Variants in CADM2 observed in about 807,000 individuals in gnomAD.
The protein encoded by CADM2 is cell adhesion molecule 2.
Under a neutral mutation model 49.8 loss-of-function variants are expected in CADM2, and 12 were observed. The ratio of observed to expected loss-of-function variants is 0.24; its 90% confidence interval spans 0.15 to 0.39. The LOEUF is 0.39. Among genes scored for constraint, CADM2 ranks in the 10% least tolerant of loss-of-function variants. The pLI is 1.00. For missense variants in CADM2, 378 were observed against 492.3 expected, an observed-to-expected ratio of 0.77 and a Z score of 2.20; for synonymous variants, 214 against 175.4, an observed-to-expected ratio of 1.22 and a Z score of -1.74.
intron 1 of CADM2, among the ~76,000 whole-genome samples, chr3:85,223,974 G>C (rs2042096221): frequency 6.6e-6 from 1 of 152,078 alleles, no homozygotes; most frequent in South Asian, 2.1e-4. Context: ...TTGTGTATAT[G>C]TGCCACATTT....
intron 1 of CADM2, among the ~76,000 whole-genome samples, chr3:85,071,606 T>A (rs1257850861): frequency 6.6e-6 from 1 of 152,078 alleles, no homozygotes; most frequent in Non-Finnish European, 1.5e-5. Context: ...TGGTCTTGAG[T>A]TTGTTTCATT....
At chr3:85,719,159 A>G (rs2067409920) in intron 1 of CADM2, among the ~76,000 whole-genome samples, 1 of 152,130 alleles carries the variant, frequency 6.6e-6, no homozygotes. Context: ...ACAGCATTTC[A>G]TAGCCAAAAT....
At chr3:85,903,520 A>G (rs1015135925) in intron 5 of CADM2, among the ~76,000 whole-genome samples, 2 of 152,158 alleles carry the variant, frequency 1.3e-5, no homozygotes, top group Middle Eastern at 6.3e-3. Flanking sequence ...TATGCTACCC[A>G]ACTACCTTCT....
intron 2 of CADM2, among the ~76,000 whole-genome samples, chr3:85,781,424 T>G (rs977890054): frequency 6.6e-6 from 1 of 152,192 alleles, no homozygotes. Context: ...TATTTCTGAT[T>G]GTCTACATGG....
intron 1 of CADM2, among the ~76,000 whole-genome samples, chr3:85,113,698 T>TG (rs1553684524): frequency 3.1e-4 from 47 of 151,490 alleles, no homozygotes; most frequent in African/African-American, 1.1e-3. Context: ...TTTTTTTTTT[T>TG]TGTGCTATAG....
At chr3:86,029,682 C>T (rs574028632) in intron 8 of CADM2, among the ~76,000 whole-genome samples, 1 of 152,118 alleles carries the variant, frequency 6.6e-6, no homozygotes, top group East Asian at 1.9e-4. Flanking sequence ...TAATAACAGA[C>T]TTTAAATTTC....
chr3:86,030,765 A>G (rs1004037420), intron 8 of CADM2, among the ~76,000 whole-genome samples: 2 of 151,934 alleles, frequency 1.3e-5, no homozygotes, highest in Non-Finnish European at 2.9e-5. Context: ...GCAAGTGTTC[A>G]TAAATGAATT....
chr3:85,874,350 CA>C (rs1711533860), intron 3 of CADM2, among the ~76,000 whole-genome samples: 1 of 152,102 alleles, frequency 6.6e-6, no homozygotes, highest in Non-Finnish European at 1.5e-5. Flanking sequence ...AATTACAAGG[CA>C]GATTATAAAT....
At chr3:85,513,940 G>A (rs1435824447) in intron 1 of CADM2, among the ~76,000 whole-genome samples, 1 of 151,960 alleles carries the variant, frequency 6.6e-6, no homozygotes, top group Admixed American at 6.6e-5. Context: ...ATTGTTATTT[G>A]AATATAGCTA....
At chr3:85,945,971 A>G (rs962011286) in intron 7 of CADM2, among the ~76,000 whole-genome samples, 2 of 152,234 alleles carry the variant, frequency 1.3e-5, no homozygotes, top group East Asian at 1.9e-4. Flanking sequence ...TTCAGTTAGG[A>G]AAAGAGGAAG....
At chr3:85,141,684 T>C (rs1383893333) in intron 1 of CADM2, among the ~76,000 whole-genome samples, 1 of 152,170 alleles carries the variant, frequency 6.6e-6, no homozygotes, top group African/African-American at 2.4e-5. Context: ...ATAGATAGGA[T>C]ATATGTTAAT....
chr3:85,749,926 T>C (rs1005857327), intron 2 of CADM2, among the ~76,000 whole-genome samples: 3 of 152,058 alleles, frequency 2.0e-5, no homozygotes, highest in African/African-American at 7.2e-5. Flanking sequence ...TGTATGGTAT[T>C]AGATTCCTTT....
intron 1 of CADM2, among the ~76,000 whole-genome samples, chr3:85,061,970 T>C (rs2036336816): frequency 1.3e-5 from 2 of 151,584 alleles, no homozygotes; most frequent in South Asian, 4.2e-4. Context: ...GAAATATCAG[T>C]ATCAGTGGAG....
chr3:85,657,699 T>TATATATACACAGATATATATATATACAG (rs1559574496), intron 1 of CADM2, among the ~76,000 whole-genome samples: 9 of 61,106 alleles, frequency 1.5e-4, no homozygotes, highest in African/African-American at 3.0e-4. Context: ...TATATACAGA[T>TATATATACACAGATATATATATATACAG]ATATATATAC....
chr3:85,973,205 A>G (rs549530538), intron 8 of CADM2, among the ~76,000 whole-genome samples: 1 of 151,840 alleles, frequency 6.6e-6, no homozygotes, highest in East Asian at 2.0e-4. Flanking sequence ...GATGTTATTG[A>G]TAAAGCACCT....
chr3:85,196,540 AG>A (rs2041347219), intron 1 of CADM2, among the ~76,000 whole-genome samples: 1 of 152,002 alleles, frequency 6.6e-6, no homozygotes, highest in African/African-American at 2.4e-5. Flanking sequence ...GACATGGAAA[AG>A]TTATAAAGAG....
chr3:85,367,833 ATGTGTGTGTG>A (rs10547677), intron 1 of CADM2, among the ~76,000 whole-genome samples: 19 of 148,010 alleles, frequency 1.3e-4, no homozygotes, highest in African/African-American at 4.7e-4. Context: ...ATACATATAT[ATGTGTGTGTG>A]TGTGTGTGTG....
chr3:85,170,511 G>A (rs554502851), intron 1 of CADM2, among the ~76,000 whole-genome samples: 2 of 151,978 alleles, frequency 1.3e-5, no homozygotes, highest in African/African-American at 4.8e-5. Flanking sequence ...GCTAATTTTC[G>A]TATTTTTGGT....
intron 1 of CADM2, among the ~76,000 whole-genome samples, chr3:85,216,593 T>G (rs2041935044): frequency 6.6e-6 from 1 of 151,958 alleles, no homozygotes; most frequent in Non-Finnish European, 1.5e-5. Flanking sequence ...AGAAAACTAT[T>G]AAATATCATC....
Sources: allele counts gnomAD v4.1 joint callset (sites outside exome capture counted in the v4.1 genomes callset), GRCh38; gene constraint gnomAD v4.1.1; transcripts MANE v1.5; gene names NCBI Gene and HGNC (gene_info 2026-07-23, HGNC 2026-07-21).